HS6ST3: variants seen among roughly 807,000 people sequenced by gnomAD.
The protein encoded by HS6ST3 is heparan-sulfate 6-O-sulfotransferase 3.
In HS6ST3, 12 loss-of-function variants were observed where a neutral mutation model predicts 36.7. The observed-to-expected ratio is 0.33, with a 90% CI of 0.21 to 0.53. The LOEUF is 0.53. HS6ST3 is among the 20% of genes least tolerant of loss of function. The pLI is 0.95. For synonymous variants in HS6ST3, 240 were observed against 257.5 expected (o/e 0.93, Z 0.65); for missense variants, 584 against 640.9 (o/e 0.91, Z 0.96).
chr13:96,625,692 G>C (rs955948843), intron 1 of HS6ST3, among the ~76,000 whole-genome samples: 7 of 151,786 alleles, frequency 4.6e-5, no homozygotes, highest in African/African-American at 1.7e-4. Flanking sequence ...GCTTATTTGT[G>C]ACTTTTGCCC....
chr13:96,191,940 A>C (rs115461589), intron 1 of HS6ST3, among the ~76,000 whole-genome samples: 32 of 152,322 alleles, frequency 2.1e-4, no homozygotes, highest in Middle Eastern at 3.4e-3. Flanking sequence ...GAAAAAGAGC[A>C]TTCTTTCGAG....
rs567411327 is a variant in HS6ST3, at chr13:96,834,380, A to G, written c.*1182A>G. On this transcript the variant is annotated 3_prime_UTR_variant, in exon 2 of 2. Coordinates refer to ENST00000376705, the MANE Select transcript of HS6ST3 (RefSeq NM_153456.4). ...CATCTTGAATATCTCCAGCCTGTTCACTGTTTTCTTCCTACATGATCTTTA... is the reference window on the plus strand; with the variant it reads ...CATCTTGAATATCTCCAGCCTGTTCGCTGTTTTCTTCCTACATGATCTTTA... 7.2e-5 allele frequency: 11 copies of G among 152,334 alleles called. No homozygotes were observed. Among genetic ancestry groups the G allele is most frequent in the African/African-American group, 2.4e-4 (10 of 41,586 alleles). 9.4% of individuals were successfully genotyped at this position (152,334 alleles called of 1,614,324 possible).
intron 1 of HS6ST3, among the ~76,000 whole-genome samples, chr13:96,720,344 A>C (rs1875812373): frequency 6.6e-6 from 1 of 152,190 alleles, no homozygotes; most frequent in African/African-American, 2.4e-5. Context: ...CAGAAGGGAG[A>C]GACTAAACCT....
intron 1 of HS6ST3, among the ~76,000 whole-genome samples, chr13:96,786,406 T>C (rs189030187): frequency 1.7e-3 from 263 of 152,268 alleles, no homozygotes; most frequent in African/African-American, 5.8e-3. Context: ...CCTCATGAGT[T>C]TGTAAATTCC....
intron 1 of HS6ST3, among the ~76,000 whole-genome samples, chr13:96,442,396 A>G (rs1467852559): frequency 1.3e-5 from 2 of 152,204 alleles, no homozygotes; most frequent in East Asian, 3.9e-4. Flanking sequence ...AAAAAGATCC[A>G]CATTTTCTCT....
intron 1 of HS6ST3, among the ~76,000 whole-genome samples, chr13:96,547,676 T>C (rs1476606228): frequency 2.0e-5 from 3 of 152,172 alleles, no homozygotes; most frequent in Non-Finnish European, 4.4e-5. Flanking sequence ...GTCACTGCTT[T>C]ATCTGCCACC....
intron 1 of HS6ST3, among the ~76,000 whole-genome samples, chr13:96,546,148 A>G (rs1057484049): frequency 6.6e-6 from 1 of 152,098 alleles, no homozygotes; most frequent in Non-Finnish European, 1.5e-5. Context: ...ATATCCTTGT[A>G]GTATAGATAG....
chr13:96,099,804 T>C (rs2139294186), intron 1 of HS6ST3, among the ~76,000 whole-genome samples: 1 of 152,338 alleles, frequency 6.6e-6, no homozygotes, highest in South Asian at 2.1e-4. Flanking sequence ...TCCAAATAAT[T>C]AAAGGTTCTG....
At chr13:96,724,012 C>T (rs1875921803) in intron 1 of HS6ST3, among the ~76,000 whole-genome samples, 1 of 151,934 alleles carries the variant, frequency 6.6e-6, no homozygotes, top group East Asian at 1.9e-4. Flanking sequence ...TTTCATTTTA[C>T]AAAAAGTTTT....
chr13:96,692,744 A>C (rs764409480), intron 1 of HS6ST3, among the ~76,000 whole-genome samples: 3 of 152,162 alleles, frequency 2.0e-5, no homozygotes, highest in Non-Finnish European at 4.4e-5. Context: ...TGTAAACAAA[A>C]ATGTATATTT....
At chr13:96,204,339 C>G (rs1441989422) in intron 1 of HS6ST3, among the ~76,000 whole-genome samples, 1 of 151,952 alleles carries the variant, frequency 6.6e-6, no homozygotes, top group Non-Finnish European at 1.5e-5. Context: ...ATAGGAGCAC[C>G]CAGATTCATA....
At chr13:96,110,538 A>G (rs680676) in intron 1 of HS6ST3, among the ~76,000 whole-genome samples, 126,768 of 151,220 alleles carry the variant, frequency 0.84, 53,363 homozygotes, top group East Asian at 0.91. Context: ...CCAGGTTCAC[A>G]CCATTCTCCT....
intron 1 of HS6ST3, among the ~76,000 whole-genome samples, chr13:96,255,982 C>T (rs543953078): frequency 6.6e-6 from 1 of 152,316 alleles, no homozygotes; most frequent in South Asian, 2.1e-4. Context: ...GTCCCATGAG[C>T]TTTTGATGTC....
At chr13:96,184,268 A>G (rs553801713) in intron 1 of HS6ST3, among the ~76,000 whole-genome samples, 3 of 150,970 alleles carry the variant, frequency 2.0e-5, no homozygotes, top group Admixed American at 6.6e-5. Context: ...AGATTTATCT[A>G]TGTGTATTTT....
At chr13:96,596,846 A>C (rs1440237109) in intron 1 of HS6ST3, among the ~76,000 whole-genome samples, 2 of 152,154 alleles carry the variant, frequency 1.3e-5, no homozygotes, top group Non-Finnish European at 1.5e-5. Context: ...ATACCCAAAG[A>C]AATGTAAATT....
chr13:96,559,319 A>G (rs1296450889), intron 1 of HS6ST3, among the ~76,000 whole-genome samples: 2 of 152,076 alleles, frequency 1.3e-5, no homozygotes, highest in Non-Finnish European at 2.9e-5. Flanking sequence ...AGGTTTCACC[A>G]TGTTGGCCAG....
chr13:96,659,116 C>A (rs2056637406), intron 1 of HS6ST3, among the ~76,000 whole-genome samples: 1 of 152,184 alleles, frequency 6.6e-6, no homozygotes, highest in Non-Finnish European at 1.5e-5. Flanking sequence ...GAAGTTGATG[C>A]AGCAGTTTAT....
intron 1 of HS6ST3, among the ~76,000 whole-genome samples, chr13:96,613,706 A>G (rs887793588): frequency 2.0e-5 from 3 of 152,186 alleles, no homozygotes; most frequent in Non-Finnish European, 2.9e-5. Flanking sequence ...TCCCTTTTCT[A>G]TTAAAACACT....
intron 1 of HS6ST3, among the ~76,000 whole-genome samples, chr13:96,190,515 C>A (rs1235580607): frequency 6.6e-6 from 1 of 152,124 alleles, no homozygotes; most frequent in Non-Finnish European, 1.5e-5. Context: ...GTTATTCATT[C>A]ATTCATTCAT....
Sources: allele counts gnomAD v4.1 joint callset (sites outside exome capture counted in the v4.1 genomes callset), GRCh38; gene constraint gnomAD v4.1.1; transcripts MANE v1.5; gene names NCBI Gene and HGNC (gene_info 2026-07-23, HGNC 2026-07-21).